The following PARP8 variants were observed in gnomAD, a reference collection of about 807,000 sequenced individuals.
PARP8 encodes poly(ADP-ribose) polymerase family member 8.
PARP8 carries 51 observed loss-of-function variants against 124.1 expected under a neutral mutation model. The ratio of observed to expected loss-of-function variants is 0.41; its 90% confidence interval spans 0.33 to 0.52. PARP8 has a LOEUF of 0.52. Ranked by LOEUF, PARP8 falls within the 20% of genes least tolerant of loss-of-function variation. The pLI is 0.21. For missense variants in PARP8, 860 were observed against 1,018.9 expected, an observed-to-expected ratio of 0.84 and a Z score of 2.12; for synonymous variants, 391 against 361.5, an observed-to-expected ratio of 1.08 and a Z score of -0.93.
intron 1 of PARP8, chr5:50,667,822 C>A (rs1398077484): frequency 2.6e-6 from 3 of 1,171,242 alleles, no homozygotes; most frequent in Non-Finnish European, 3.7e-6. Flanking sequence ...TCCGGCCTCC[C>A]CTATCGGGAA....
chr5:50,697,084 T>C (rs1223401110), intron 2 of PARP8, among the ~76,000 whole-genome samples: 1 of 151,988 alleles, frequency 6.6e-6, no homozygotes, highest in Admixed American at 6.6e-5. Context: ...CTGGCCAACA[T>C]AGTGAAACTC....
At chr5:50,796,871 A>C in intron 12 of PARP8, 111 bp from the exon 13 acceptor site, 3 of 903,158 alleles carry the variant, frequency 3.3e-6, no homozygotes, top group Non-Finnish European at 4.9e-6. Flanking sequence ...TTCATATTTC[A>C]TGTGATCTTA....
chr5:50,822,653 G>A (rs2149703644), intron 17 of PARP8, among the ~76,000 whole-genome samples: 1 of 152,224 alleles, frequency 6.6e-6, no homozygotes, highest in South Asian at 2.1e-4. Flanking sequence ...GTACATGTAG[G>A]TATGTCGGGA....
chr5:50,744,220 T>C (rs1758319166), intron 2 of PARP8, among the ~76,000 whole-genome samples: 1 of 152,206 alleles, frequency 6.6e-6, no homozygotes. Context: ...CCACTACTTT[T>C]GAAAGACTCT....
At chr5:50,798,589 T>G (rs1414566814) in intron 14 of PARP8, among the ~76,000 whole-genome samples, 3 of 151,804 alleles carry the variant, frequency 2.0e-5, no homozygotes, top group Non-Finnish European at 2.9e-5. Flanking sequence ...CCCGGCTGAT[T>G]TTTTGTATTT....
intron 12 of PARP8, among the ~76,000 whole-genome samples, chr5:50,796,070 T>C (rs1317644530): frequency 6.6e-6 from 1 of 152,204 alleles, no homozygotes; most frequent in African/African-American, 2.4e-5. Flanking sequence ...AATTTATCGC[T>C]AGCATGATTG....
chr5:50,680,581 T>C (rs1751176665), intron 2 of PARP8, among the ~76,000 whole-genome samples: 1 of 152,158 alleles, frequency 6.6e-6, no homozygotes, highest in Non-Finnish European at 1.5e-5. Flanking sequence ...AAAGAGTTGA[T>C]TCTCCCCAAC....
At chr5:50,712,539 C>T (rs1378838526) in intron 2 of PARP8, among the ~76,000 whole-genome samples, 4 of 152,088 alleles carry the variant, frequency 2.6e-5, no homozygotes, top group African/African-American at 4.8e-5. Context: ...AAACAGTTGA[C>T]CAGATTTTTA....
intron 9 of PARP8, among the ~76,000 whole-genome samples, chr5:50,788,051 A>G (rs1439997718): frequency 6.7e-6 from 1 of 149,758 alleles, no homozygotes; most frequent in Non-Finnish European, 1.5e-5. Flanking sequence ...AAAATGATGT[A>G]TGTAGATGCA....
chr5:50,829,767 G>A, intron 21 of PARP8, 125 bp from the exon 22 acceptor site: 1 of 886,314 alleles, frequency 1.1e-6, no homozygotes, highest in Non-Finnish European at 1.6e-6. Context: ...ATTAGACCTT[G>A]GAATAGAAGC....
In PARP8 at chr5:50,822,357, T is replaced by G; in HGVS notation, c.1817T>G (p.Met606Arg). 6.2e-7 allele frequency: 1 copy of G among 1,611,744 alleles called. No individual in the cohort carries two copies. Among genetic ancestry groups the G allele is most frequent in the Non-Finnish European group, 8.5e-7 (1 of 1,178,092 alleles). The part of the protein sequence containing the change: ...NPRKKNYDRV[M>R]KALDSITSIR... ...CAGAAAAAGAACTATGATCGAGTAA[T>G]GAAAGCACTGGATAGCATAACTTCT... The change falls in exon 17 of 26, where the codon ATG becomes AGG. Residue 606 changes from methionine to arginine, a missense_variant. This residue lies in a region of PARP8 where 343 missense variants were observed against 474.7 expected (regional missense o/e 0.72). Coordinates refer to ENST00000281631, the MANE Select transcript of PARP8 (RefSeq NM_024615.4).
At chr5:50,789,156 T>C (rs1741652986) in intron 10 of PARP8, among the ~76,000 whole-genome samples, 1 of 152,186 alleles carries the variant, frequency 6.6e-6, no homozygotes, top group Non-Finnish European at 1.5e-5. Flanking sequence ...CTTTGAAACA[T>C]TGGTTTTTTA....
intron 2 of PARP8, among the ~76,000 whole-genome samples, chr5:50,735,417 G>C (rs1268639994): frequency 1.3e-5 from 2 of 152,030 alleles, no homozygotes; most frequent in African/African-American, 4.8e-5. Flanking sequence ...CTCTTACAAT[G>C]ATTTGTTTCA....
intron 9 of PARP8, among the ~76,000 whole-genome samples, chr5:50,779,022 T>C (rs948089659): frequency 1.8e-4 from 28 of 152,208 alleles, no homozygotes; most frequent in Admixed American, 5.2e-4. Context: ...AAATTCTGTC[T>C]TTGAACATGG....
Position 50,752,797 on chromosome 5 carries a change from A to G in PARP8, c.184+2609A>G, listed in dbSNP as rs186672858. Reference sequence around the variant, plus strand: ...TGGATCAGTTATTAAGTAATCATCTAAGTTTGAACATATGAAATTTTCTTT... The same window carrying G: ...TGGATCAGTTATTAAGTAATCATCTGAGTTTGAACATATGAAATTTTCTTT... On this transcript the variant is annotated intron_variant, in intron 3 of 25. Transcript: ENST00000281631. Among the ~76,000 whole-genome samples the G allele has an allele frequency of 5.9e-5, 9 of 152,174 alleles. No homozygotes were observed. The East Asian group carries it at 1.7e-3, about 29-fold the overall frequency.
intron 7 of PARP8, among the ~76,000 whole-genome samples, chr5:50,771,770 G>A (rs1561356903): frequency 6.6e-6 from 1 of 152,146 alleles, no homozygotes; most frequent in Non-Finnish European, 1.5e-5. Context: ...GTGGTTTACA[G>A]TGTGATGTTT....
intron 7 of PARP8, among the ~76,000 whole-genome samples, chr5:50,766,193 C>G (rs1761042450): frequency 1.3e-5 from 2 of 152,162 alleles, no homozygotes; most frequent in Non-Finnish European, 2.9e-5. Context: ...CCTCACCATT[C>G]TATCCAAAAG....
chr5:50,685,945 G>A (rs1218364708), intron 2 of PARP8, among the ~76,000 whole-genome samples: 7 of 152,186 alleles, frequency 4.6e-5, no homozygotes, highest in Non-Finnish European at 8.8e-5. Flanking sequence ...GGAAATTCAA[G>A]ATGAGATTTG....
intron 14 of PARP8, 115 bp downstream of exon 14, chr5:50,797,348 G>A: frequency 1.5e-6 from 1 of 688,330 alleles, no homozygotes; most frequent in Non-Finnish European, 2.3e-6. Context: ...TCTTTATTGA[G>A]CAAATTATTT....
Sources: allele counts gnomAD v4.1 joint callset (sites outside exome capture counted in the v4.1 genomes callset), GRCh38; gene constraint gnomAD v4.1.1; regional missense constraint gnomAD v4.1.1; transcripts MANE v1.5; gene names NCBI Gene and HGNC (gene_info 2026-07-23, HGNC 2026-07-21).